Variants in NT5DC1 observed in about 807,000 individuals in gnomAD.
The protein encoded by NT5DC1 is 5'-nucleotidase domain containing 1, also known as 5'-nucleotidase domain-containing protein 1.
Under a neutral mutation model 59.4 loss-of-function variants are expected in NT5DC1, and 42 were observed. That is an observed-to-expected ratio of 0.71 (90% CI 0.55 to 0.92). The LOEUF (loss-of-function observed/expected upper bound fraction) is 0.92. Among genes scored for constraint, NT5DC1 ranks in the 40% least tolerant of loss-of-function variants. NT5DC1 has a pLI of 0.00. For missense variants in NT5DC1, 501 were observed against 537.1 expected (o/e 0.93, Z 0.66); for synonymous variants, 172 against 188.1 (o/e 0.91, Z 0.70).
intron 10 of NT5DC1, 99 bp from the exon 11 acceptor site, chr6:116,238,856 T>C: frequency 2.7e-6 from 2 of 731,892 alleles, no homozygotes; most frequent in Non-Finnish European, 2.3e-6. Context: ...TGTAGATTCC[T>C]ACAGGGTTTC....
At chr6:116,185,971 A>G (rs1368080605) in intron 6 of NT5DC1, among the ~76,000 whole-genome samples, 2 of 151,786 alleles carry the variant, frequency 1.3e-5, no homozygotes, top group African/African-American at 4.8e-5. Flanking sequence ...ATCCTGTGAG[A>G]TTTATGCTTT....
At chr6:116,234,466 A>C (rs959891259) in intron 8 of NT5DC1, among the ~76,000 whole-genome samples, 3 of 151,776 alleles carry the variant, frequency 2.0e-5, no homozygotes, top group Non-Finnish European at 4.4e-5. Flanking sequence ...CAGCCTCTCA[A>C]GTAGCTGGGA....
chr6:116,177,695 C>T (rs1480742313), intron 6 of NT5DC1, among the ~76,000 whole-genome samples: 1 of 152,108 alleles, frequency 6.6e-6, no homozygotes, highest in Admixed American at 6.6e-5. Flanking sequence ...AAAATACCAT[C>T]AGCTCTCTTA....
At chr6:116,207,793 T>C (rs1006206945) in intron 6 of NT5DC1, among the ~76,000 whole-genome samples, 1 of 151,952 alleles carries the variant, frequency 6.6e-6, no homozygotes, top group Non-Finnish European at 1.5e-5. Context: ...CTCTGCCCAC[T>C]CCTTGCAGAG....
At chr6:116,195,303 A>G (rs1259355151) in intron 6 of NT5DC1, among the ~76,000 whole-genome samples, 1 of 152,114 alleles carries the variant, frequency 6.6e-6, no homozygotes, top group African/African-American at 2.4e-5. Context: ...TATTAAAATT[A>G]TACAGAGGAG....
At chr6:116,226,849 TTTAA>T (rs1445665628) in intron 8 of NT5DC1, among the ~76,000 whole-genome samples, 2 of 152,104 alleles carry the variant, frequency 1.3e-5, no homozygotes, top group African/African-American at 4.8e-5. Context: ...TCATTTATTT[TTTAA>T]TTGACAAGTA....
At chr6:116,179,881 C>T (rs1238181336) in intron 6 of NT5DC1, among the ~76,000 whole-genome samples, 1 of 152,124 alleles carries the variant, frequency 6.6e-6, no homozygotes, top group Non-Finnish European at 1.5e-5. Flanking sequence ...AAATCACTCT[C>T]ATCCTAAAGG....
At position 116,238,854 on chromosome 6, in the gene NT5DC1, C is replaced by G. The variant is rs1361269446; in HGVS notation, c.1084-101C>G. On this transcript the variant is annotated intron_variant, in intron 10 of 11. Coordinates refer to ENST00000319550, the MANE Select transcript of NT5DC1 (RefSeq NM_152729.3). Reference sequence around the variant, plus strand: ...TGGGCCCAAAGCCTATTTGTAGATTCCTACAGGGTTTCAAAGTTTTTATTT... The same window carrying G: ...TGGGCCCAAAGCCTATTTGTAGATTGCTACAGGGTTTCAAAGTTTTTATTT... The G allele has an allele frequency of 4.2e-6, 3 of 713,128 alleles. No homozygotes were observed. The East Asian group carries it at 7.7e-5, about 18-fold the overall frequency. 44.2% of individuals were successfully genotyped at this position (713,128 alleles called of 1,614,324 possible).
At position 116,101,069 on chromosome 6, in the gene NT5DC1, C is replaced by G. The variant is rs764766984; in HGVS notation, c.93+46C>G. On this transcript the variant is annotated intron_variant, in intron 1 of 11. Transcript: ENST00000319550. ...GGCGCACTGCGCGCAACCTCCATGGCGGCTGGGGCTTGAGTTTCCTCCAGG... is the reference window on the plus strand; with the variant it reads ...GGCGCACTGCGCGCAACCTCCATGGGGGCTGGGGCTTGAGTTTCCTCCAGG... 1.4e-5 allele frequency: 19 copies of G among 1,391,082 alleles called. No homozygotes were observed. In the South Asian group the frequency reaches 2.3e-4, roughly 17 times the overall value. The allele number at this position is 1,391,082 out of a possible 1,614,324, so 86.2% of individuals were successfully genotyped here. A position where few individuals can be genotyped will look rare whatever the true frequency, so the allele number is the denominator to read the frequency against.
At chr6:116,164,103 A>G (rs1379081889) in intron 6 of NT5DC1, among the ~76,000 whole-genome samples, 2 of 152,146 alleles carry the variant, frequency 1.3e-5, no homozygotes, top group East Asian at 3.8e-4. Context: ...TTAGGTGTCT[A>G]TCCATTTGGC....
chr6:116,242,213 T>C (rs1478714252), intron 11 of NT5DC1, among the ~76,000 whole-genome samples: 2 of 150,728 alleles, frequency 1.3e-5, no homozygotes, highest in Admixed American at 6.6e-5. Context: ...TACTAAAAAA[T>C]ACAAAAAATT....
chr6:116,230,275 G>A (rs1342798896), intron 8 of NT5DC1, among the ~76,000 whole-genome samples: 1 of 151,970 alleles, frequency 6.6e-6, no homozygotes, highest in African/African-American at 2.4e-5. Flanking sequence ...TTAATCACAT[G>A]CACACAATAT....
At chr6:116,182,222 A>AGAGAGTGTGTGTGTGTGTGT (rs148509481) in intron 6 of NT5DC1, among the ~76,000 whole-genome samples, 1 of 124,606 alleles carries the variant, frequency 8.0e-6, no homozygotes, top group Non-Finnish European at 1.7e-5. Flanking sequence ...TTCCATGGAG[A>AGAGAGTGTGTGTGTGTGTGT]GTGTGTGTGT....
At chr6:116,155,759 A>C (rs1780174450) in intron 6 of NT5DC1, among the ~76,000 whole-genome samples, 1 of 151,814 alleles carries the variant, frequency 6.6e-6, no homozygotes, top group Non-Finnish European at 1.5e-5. Context: ...CCTTAAAAAA[A>C]AAAAAAAAAA....
intron 6 of NT5DC1, among the ~76,000 whole-genome samples, chr6:116,137,993 G>T (rs759181902): frequency 6.6e-6 from 1 of 151,920 alleles, no homozygotes; most frequent in South Asian, 2.1e-4. Context: ...CAGGAGAATC[G>T]CTTGAACTTG....
intron 6 of NT5DC1, chr6:116,137,122 C>T (rs1386672010): frequency 1.9e-5 from 4 of 212,760 alleles, no homozygotes; most frequent in Admixed American, 9.0e-5. Flanking sequence ...TACCACAAAT[C>T]GGTGGGGTCT....
At chr6:116,167,082 A>G (rs1780486354) in intron 6 of NT5DC1, among the ~76,000 whole-genome samples, 2 of 152,154 alleles carry the variant, frequency 1.3e-5, no homozygotes, top group African/African-American at 2.4e-5. Flanking sequence ...TATTCAGAGC[A>G]TGTGATATCC....
chr6:116,165,797 GC>G (rs1336375409), intron 6 of NT5DC1, among the ~76,000 whole-genome samples: 3 of 152,212 alleles, frequency 2.0e-5, no homozygotes, highest in Non-Finnish European at 4.4e-5. Flanking sequence ...CCAGGGACCT[GC>G]TGGTCCCCTG....
chr6:116,139,330 T>C (rs1223753887), intron 6 of NT5DC1, among the ~76,000 whole-genome samples: 1 of 152,156 alleles, frequency 6.6e-6, no homozygotes, highest in Non-Finnish European at 1.5e-5. Context: ...GATTAAACTC[T>C]TGTGTAGAAT....
Sources: gnomAD v4.1 joint callset for allele counts (sites outside exome capture counted in the v4.1 genomes callset) on GRCh38, gnomAD v4.1.1 for gene constraint, MANE v1.5 for transcripts, NCBI Gene and HGNC (gene_info 2026-07-23, HGNC 2026-07-21) for gene names.